The following NCAM2 variants were observed in gnomAD, a reference collection of about 807,000 sequenced individuals.
NCAM2 encodes the protein N-CAM-2.
A neutral mutation model predicts 98.1 loss-of-function variants in NCAM2; 30 were observed. The ratio of observed to expected loss-of-function variants is 0.31; its 90% CI spans 0.23 to 0.41. The LOEUF is 0.41. Ranked by LOEUF, NCAM2 falls within the 10% of genes least tolerant of loss-of-function variation. The probability of loss-of-function intolerance (pLI) is 1.00; values close to 1 mark genes in which losing one functional copy is unlikely to be tolerated. For missense variants in NCAM2, 867 were observed against 1,005.8 expected, an observed-to-expected ratio of 0.86 and a Z score of 1.87; for synonymous variants, 368 against 342.4, an observed-to-expected ratio of 1.07 and a Z score of -0.83.
chr21:21,529,697 A>G (rs1015622261), intron 16 of NCAM2, among the ~76,000 whole-genome samples: 5 of 151,938 alleles, frequency 3.3e-5, no homozygotes, highest in African/African-American at 1.2e-4. Flanking sequence ...ATACCAGATG[A>G]CATCTGACAG....
intron 8 of NCAM2, among the ~76,000 whole-genome samples, chr21:21,355,684 C>T (rs1156417441): frequency 6.6e-6 from 1 of 151,584 alleles, no homozygotes; most frequent in Non-Finnish European, 1.5e-5. Flanking sequence ...GGCACGACCT[C>T]GGCTCACTGC....
At chr21:21,173,140 A>C (rs1322568482) in intron 1 of NCAM2, among the ~76,000 whole-genome samples, 1 of 152,180 alleles carries the variant, frequency 6.6e-6, no homozygotes, top group Non-Finnish European at 1.5e-5. Context: ...ATGAATTAGA[A>C]AAATTATTCC....
At chr21:21,365,111 C>T (rs888819445) in intron 8 of NCAM2, among the ~76,000 whole-genome samples, 4 of 152,046 alleles carry the variant, frequency 2.6e-5, no homozygotes, top group Admixed American at 6.6e-5. Context: ...TGCTGGAATT[C>T]GCACAGTGGG....
At chr21:21,115,172 C>T (rs1393474363) in intron 1 of NCAM2, among the ~76,000 whole-genome samples, 1 of 152,076 alleles carries the variant, frequency 6.6e-6, no homozygotes, top group Non-Finnish European at 1.5e-5. Flanking sequence ...AAATGAAGTC[C>T]TGGCTAGTGA....
intron 1 of NCAM2, among the ~76,000 whole-genome samples, chr21:21,270,792 T>G (rs760878796): frequency 6.6e-5 from 10 of 152,098 alleles, no homozygotes; most frequent in Non-Finnish European, 1.5e-4. Context: ...TTTGGGAGAT[T>G]TTCAAAACCT....
At chr21:21,083,022 A>G (rs1465588335) in intron 1 of NCAM2, among the ~76,000 whole-genome samples, 1 of 152,198 alleles carries the variant, frequency 6.6e-6, no homozygotes, top group Non-Finnish European at 1.5e-5. Flanking sequence ...CTATCAAAGC[A>G]TTTGTCAGAA....
intron 1 of NCAM2, among the ~76,000 whole-genome samples, chr21:21,131,835 G>A (rs1004747995): frequency 6.6e-6 from 1 of 152,234 alleles, no homozygotes; most frequent in African/African-American, 2.4e-5. Flanking sequence ...TTATGGCCAA[G>A]ATACTAGAAA....
At chr21:21,445,731 A>G (rs1372743148) in intron 12 of NCAM2, among the ~76,000 whole-genome samples, 1 of 151,474 alleles carries the variant, frequency 6.6e-6, no homozygotes, top group East Asian at 1.9e-4. Context: ...TGCACGTGAG[A>G]TGGGTCTCCA....
At chr21:21,024,856 C>T (rs1452985248) in intron 1 of NCAM2, among the ~76,000 whole-genome samples, 1 of 151,100 alleles carries the variant, frequency 6.6e-6, no homozygotes, top group Non-Finnish European at 1.5e-5. Flanking sequence ...CACTTCACTC[C>T]AGCCTGGGCC....
intron 1 of NCAM2, among the ~76,000 whole-genome samples, chr21:21,014,574 G>T (rs1326698016): frequency 6.6e-6 from 1 of 152,100 alleles, no homozygotes; most frequent in Non-Finnish European, 1.5e-5. Context: ...AAAGAAAAAA[G>T]TTCCCTTCAA....
At chr21:21,399,737 T>C (rs1322446046) in intron 9 of NCAM2, among the ~76,000 whole-genome samples, 1 of 152,172 alleles carries the variant, frequency 6.6e-6, no homozygotes, top group African/African-American at 2.4e-5. Context: ...AGAGCCTGTG[T>C]TATGCTTTAT....
chr21:21,115,340 CTT>C (rs1351600950), intron 1 of NCAM2, among the ~76,000 whole-genome samples: 1 of 152,074 alleles, frequency 6.6e-6, no homozygotes, highest in African/African-American at 2.4e-5. Flanking sequence ...ATTTAGAATC[CTT>C]ATTGTTAAAT....
At chr21:21,126,103 C>CT (rs1209746996) in intron 1 of NCAM2, among the ~76,000 whole-genome samples, 1 of 151,710 alleles carries the variant, frequency 6.6e-6, no homozygotes, top group Non-Finnish European at 1.5e-5. Flanking sequence ...CTCTATTAGT[C>CT]TTATTTCTCA....
At chr21:21,195,379 G>A (rs2068968344) in intron 1 of NCAM2, among the ~76,000 whole-genome samples, 1 of 152,080 alleles carries the variant, frequency 6.6e-6, no homozygotes, top group South Asian at 2.1e-4. Context: ...CATCCATAAA[G>A]ACCTAAACAG....
At chr21:21,295,170 G>A (rs2073431131) in intron 5 of NCAM2, among the ~76,000 whole-genome samples, 1 of 151,750 alleles carries the variant, frequency 6.6e-6, no homozygotes, top group Non-Finnish European at 1.5e-5. Context: ...TCTTGGCCTT[G>A]TAGGAGGACC....
chr21:21,463,669 A>G (rs996574670), intron 12 of NCAM2: 2 of 152,140 alleles, frequency 1.3e-5, no homozygotes, highest in Non-Finnish European at 2.9e-5. Context: ...GTGAGGAAAC[A>G]GGGAAATTCC....
intron 5 of NCAM2, among the ~76,000 whole-genome samples, chr21:21,309,248 A>T (rs2073972060): frequency 6.6e-6 from 1 of 152,188 alleles, no homozygotes; most frequent in Admixed American, 6.6e-5. Flanking sequence ...TAGATGTTAT[A>T]AATGTTACCT....
chr21:21,284,244 A>G lies in NCAM2; in HGVS notation c.181A>G (p.Ile61Val), dbSNP rs2073023309. 3 of 1,612,810 alleles carry G rather than the reference A, an allele frequency of 1.9e-6. No individual in the cohort carries two copies. The highest frequency in any genetic ancestry group is 2.5e-6 in the Non-Finnish European group (3 of 1,179,050). Residue 61 changes from isoleucine to valine, a missense_variant, in exon 3 of 18, where the codon ATA becomes GTA. Transcript: ENST00000400546. Reference sequence around the variant, plus strand: ...TTGGTATAATCCTCAAGGAGAGAAGATAATTTCAACACAGAGGGTAGTAGT... The same window carrying G: ...TTGGTATAATCCTCAAGGAGAGAAGGTAATTTCAACACAGAGGGTAGTAGT... ...IDWYNPQGEK[I>V]ISTQRVVVQK...
At chr21:21,462,777 T>C (rs571260084) in intron 12 of NCAM2, among the ~76,000 whole-genome samples, 8 of 152,214 alleles carry the variant, frequency 5.3e-5, no homozygotes, top group African/African-American at 1.9e-4. Context: ...CTAGATTCTA[T>C]AGAGAATTCA....
Sources: gnomAD v4.1 joint callset for allele counts (sites outside exome capture counted in the v4.1 genomes callset) on GRCh38, gnomAD v4.1.1 for gene constraint, MANE v1.5 for transcripts, NCBI Gene and HGNC (gene_info 2026-07-23, HGNC 2026-07-21) for gene names.